WNT4: variants seen among roughly 807,000 people sequenced by gnomAD.
The protein encoded by WNT4 is Wnt family member 4.
WNT4 carries 16 observed loss-of-function variants against 34.5 expected under a neutral mutation model. That is an observed-to-expected ratio of 0.46 (90% CI 0.31 to 0.70). WNT4 has a LOEUF of 0.70. Ranked by LOEUF, WNT4 falls within the 30% of genes least tolerant of loss-of-function variation. The probability of loss-of-function intolerance (pLI) is 0.04; values close to 1 mark genes in which losing one functional copy is unlikely to be tolerated. For synonymous variants in WNT4, 200 were observed against 211.9 expected, an observed-to-expected ratio of 0.94 and a Z score of 0.49; for missense variants, 379 against 495.9, an observed-to-expected ratio of 0.76 and a Z score of 2.24.
Position 22,140,218 on chromosome 1 carries a change from C to T in WNT4, c.77+2628G>A. 1.0e-6 allele frequency: 1 copy of T among 985,440 alleles called. No individual in the cohort carries two copies. Among genetic ancestry groups the T allele is most frequent in the Non-Finnish European group, 1.2e-6 (1 of 829,932 alleles). 61.0% of individuals were successfully genotyped at this position (985,440 alleles called of 1,614,324 possible). A position where few individuals can be genotyped will look rare whatever the true frequency, so the allele number is the denominator to read the frequency against. On this transcript the variant is annotated intron_variant, in intron 1 of 4. Transcript: ENST00000290167. The surrounding 1 kb of genome is among the most constrained non-coding windows in gnomAD (Gnocchi z 5.9). ...CCTCACACTTGAAAAGACACAGTGC[C>T]AGCCATCATGCCTGCATGGACACCT...
chr1:22,125,549 A>G (rs1645933889), intron 2 of WNT4, among the ~76,000 whole-genome samples: 2 of 152,124 alleles, frequency 1.3e-5, no homozygotes, highest in Non-Finnish European at 2.9e-5. Flanking sequence ...TGGTTTAGAC[A>G]TGGGGAATGG....
At chr1:22,131,248 C>T (rs1645981488) in intron 1 of WNT4, among the ~76,000 whole-genome samples, 1 of 152,240 alleles carries the variant, frequency 6.6e-6, no homozygotes. Flanking sequence ...TGGAGGTTTG[C>T]AGGCGGCAGC....
intron 4 of WNT4, among the ~76,000 whole-genome samples, chr1:22,120,830 C>A (rs999363735): frequency 4.6e-5 from 7 of 152,066 alleles, no homozygotes; most frequent in African/African-American, 1.7e-4. Context: ...TCCACGGGAA[C>A]CTTGGGGAGT....
chr1:22,133,081 C>T (rs868179633), intron 1 of WNT4, among the ~76,000 whole-genome samples: 1 of 152,216 alleles, frequency 6.6e-6, no homozygotes. Context: ...ACAGCTAGAG[C>T]GGCGAGCTGC....
At position 22,129,634 on chromosome 1, in the gene WNT4, C is replaced by T. The variant is rs377491760; in HGVS notation, c.295G>A (p.Gly99Ser). ...CCCTCACCTTGCGTCACCACCTTGCCGAAGACGGGCAAGGAGTCGAGTGTG... is the reference window on the plus strand; with the variant it reads ...CCCTCACCTTGCGTCACCACCTTGCTGAAGACGGGCAAGGAGTCGAGTGTG... ...CSTLDSLPVF[G>S]KVVTQGTREA... Residue 99 changes from glycine (G) to serine (S), a missense_variant, in exon 2 of 5, where the codon GGC becomes AGC. Around this residue, in one of 2 missense-constraint regions of WNT4, gnomAD observed 313 missense variants for 445.8 expected, o/e 0.70. Coordinates refer to ENST00000290167, the MANE Select transcript of WNT4 (RefSeq NM_030761.5). The T allele has an allele frequency of 1.9e-5, 30 of 1,613,486 alleles. No individual in the cohort carries two copies. The highest frequency in any genetic ancestry group is 5.0e-5 in the Admixed American group (3 of 60,004).
At chr1:22,138,409 C>A (rs534523124) in intron 1 of WNT4, among the ~76,000 whole-genome samples, 15 of 151,528 alleles carry the variant, frequency 9.9e-5, no homozygotes, top group East Asian at 5.8e-4. Flanking sequence ...TTTGCCCGCC[C>A]CCCAGGGGAC....
At chr1:22,136,979 T>C (rs1442611210) in intron 1 of WNT4, among the ~76,000 whole-genome samples, 1 of 151,976 alleles carries the variant, frequency 6.6e-6, no homozygotes, top group Non-Finnish European at 1.5e-5. Context: ...TGTGAACAGA[T>C]TGAGAAATAG....
At chr1:22,136,537 G>A (rs544470568) in intron 1 of WNT4, among the ~76,000 whole-genome samples, 69 of 152,264 alleles carry the variant, frequency 4.5e-4, no homozygotes, top group African/African-American at 1.6e-3. Context: ...CCAGTCCTAG[G>A]AGAGCCTGTG....
At chr1:22,138,410 C>A (rs553094002) in intron 1 of WNT4, among the ~76,000 whole-genome samples, 11 of 152,248 alleles carry the variant, frequency 7.2e-5, no homozygotes, top group South Asian at 4.1e-4. Flanking sequence ...TTGCCCGCCC[C>A]CCAGGGGACA....
intron 2 of WNT4, among the ~76,000 whole-genome samples, chr1:22,126,160 C>T (rs1002514638): frequency 3.9e-5 from 6 of 152,228 alleles, no homozygotes; most frequent in Non-Finnish European, 5.9e-5. Flanking sequence ...CTAGAACACA[C>T]AGTTTTGCCC....
Position 22,142,097 on chromosome 1 carries a change from T to C in WNT4, c.77+749A>G, listed in dbSNP as rs902377373. 1.3e-5 allele frequency among the ~76,000 whole-genome samples: 2 copies of C among 152,138 alleles called. No homozygotes were observed. Among genetic ancestry groups the C allele is most frequent in the African/African-American group, 4.8e-5 (2 of 41,444 alleles). On this transcript the variant is annotated intron_variant, in intron 1 of 4. Coordinates refer to ENST00000290167, the MANE Select transcript of WNT4 (RefSeq NM_030761.5). The surrounding 1 kb of genome is among the most constrained non-coding windows in gnomAD (Gnocchi z 6.0). ...CTCCCTGCAGCAAACCTTCCGCCCC[T>C]ACCCAGGGAGCGCCCTGAGCGCAGA...
intron 3 of WNT4, 37 bp from the exon 4 acceptor site, chr1:22,121,390 T>TGAGGGC: frequency 6.2e-7 from 1 of 1,613,876 alleles, no homozygotes; most frequent in Non-Finnish European, 8.5e-7. Flanking sequence ...CTGCGGTGAG[T>TGAGGGC]GAGGGCCAGG....
intron 4 of WNT4, 114 bp downstream of exon 4, chr1:22,121,097 G>C: frequency 6.5e-7 from 1 of 1,529,162 alleles, no homozygotes; most frequent in East Asian, 2.3e-5. Flanking sequence ...AAGGTGCCAG[G>C]TGCTGGTGAG....
chr1:22,126,534 C>T (rs1195776132), intron 2 of WNT4, among the ~76,000 whole-genome samples: 1 of 152,194 alleles, frequency 6.6e-6, no homozygotes, highest in Non-Finnish European at 1.5e-5. Flanking sequence ...AACTCAGTGT[C>T]ACGAGGATGA....
In WNT4 at chr1:22,139,512, TC is replaced by T. The variant is rs1238279156; in HGVS notation, c.77+3333del. 6.6e-6 allele frequency among the ~76,000 whole-genome samples: 1 copy of T among 151,962 alleles called. No homozygotes were observed. The highest frequency in any genetic ancestry group is 1.5e-5 in the Non-Finnish European group (1 of 67,958). The stretch of plus-strand genomic sequence containing the variant: ...CGGCCTGCCTCTGAGTGCAGCGTGG[TC>T]CCCCTCCCCTCACCCGTGGGATTCT... On this transcript the variant is annotated intron_variant, in intron 1 of 4. Coordinates refer to ENST00000290167, the MANE Select transcript of WNT4 (RefSeq NM_030761.5). This position sits in a 1 kb window ranked among gnomAD's most constrained non-coding sequence, Gnocchi z 4.6.
intron 2 of WNT4, among the ~76,000 whole-genome samples, chr1:22,121,880 C>T (rs1250167920): frequency 6.6e-6 from 1 of 152,150 alleles, no homozygotes; most frequent in Admixed American, 6.5e-5. Flanking sequence ...GGGGCTTTTC[C>T]GAGGTCACTG....
intron 4 of WNT4, among the ~76,000 whole-genome samples, chr1:22,120,904 G>C (rs1022896049): frequency 6.6e-6 from 1 of 152,154 alleles, no homozygotes; most frequent in East Asian, 1.9e-4. Context: ...TGGAGAGAAA[G>C]GTTCACATCT....
At chr1:22,133,272 T>G (rs1296254751) in intron 1 of WNT4, among the ~76,000 whole-genome samples, 1 of 152,108 alleles carries the variant, frequency 6.6e-6, no homozygotes, top group Non-Finnish European at 1.5e-5. Flanking sequence ...CGGGGTTCCC[T>G]CTGCTTCCCT....
chr1:22,131,352 A>T (rs1276426687), intron 1 of WNT4, among the ~76,000 whole-genome samples: 5 of 152,186 alleles, frequency 3.3e-5, no homozygotes, highest in Non-Finnish European at 5.9e-5. Context: ...TTGAAGGTGG[A>T]GGTGCCTGGG....
Sources: allele counts gnomAD v4.1 joint callset (sites outside exome capture counted in the v4.1 genomes callset), GRCh38; gene constraint gnomAD v4.1.1; regional missense constraint gnomAD v4.1.1; non-coding constraint Gnocchi (gnomAD v3.1); transcripts MANE v1.5; gene names NCBI Gene and HGNC (gene_info 2026-07-23, HGNC 2026-07-21).